BCKDHB: variants seen among roughly 807,000 people sequenced by gnomAD.
The protein encoded by BCKDHB is 2-oxoisovalerate dehydrogenase subunit beta, mitochondrial.
Under a neutral mutation model 48.5 loss-of-function variants are expected in BCKDHB, and 41 were observed. The observed-to-expected ratio is 0.85, with a 90% CI of 0.66 to 1.10. BCKDHB has a LOEUF of 1.10. BCKDHB is among the 50% of genes least tolerant of loss of function. The pLI is 0.00. For missense variants in BCKDHB, 496 were observed against 494.2 expected, an observed-to-expected ratio of 1.00 and a Z score of -0.03; for synonymous variants, 201 against 174.8, an observed-to-expected ratio of 1.15 and a Z score of -1.18.
At chr6:80,179,781 G>A (rs1773327279) in intron 6 of BCKDHB, among the ~76,000 whole-genome samples, 1 of 152,174 alleles carries the variant, frequency 6.6e-6, no homozygotes, top group Non-Finnish European at 1.5e-5. Flanking sequence ...GTCTGGTCTG[G>A]TTACAGGTAG....
chr6:80,461,977 CT>C, the BCKDHB span, among the ~76,000 whole-genome samples: 5 of 151,418 alleles, frequency 3.3e-5, no homozygotes, highest in East Asian at 3.9e-4. Context: ...TACCAATGTA[CT>C]TTTTTTTTCA....
the BCKDHB span, among the ~76,000 whole-genome samples, chr6:80,401,597 T>C: frequency 1.3e-5 from 2 of 151,954 alleles, no homozygotes; most frequent in East Asian, 1.9e-4. Context: ...TAGTTCTTTA[T>C]AGCAATGTGA....
intron 8 of BCKDHB, among the ~76,000 whole-genome samples, chr6:80,240,673 A>G (rs1340381086): frequency 6.6e-6 from 1 of 152,102 alleles, no homozygotes; most frequent in Admixed American, 6.5e-5. Context: ...CTCTTGCCTG[A>G]TTGCCCTGGC....
the BCKDHB span, among the ~76,000 whole-genome samples, chr6:80,359,442 T>A: frequency 6.6e-6 from 1 of 152,236 alleles, no homozygotes; most frequent in East Asian, 1.9e-4. Flanking sequence ...AACTCATTTC[T>A]ATCATTCTTC....
rs73748704 is a variant in BCKDHB at position 80,202,796 on chromosome 6, C to T, written c.841-306C>T. On this transcript the variant is annotated intron_variant, in intron 7 of 9. Transcript: ENST00000320393. Reference sequence around the variant, plus strand: ...TTGGTGATTTTTACCCTTTACTTCTCCCTCTACATGCTTTCTACGTATTTG... The same window carrying T: ...TTGGTGATTTTTACCCTTTACTTCTTCCTCTACATGCTTTCTACGTATTTG... Among the ~76,000 whole-genome samples, 5,255 of 144,256 alleles carry T rather than the reference C, an allele frequency of 0.036. 304 individuals are homozygous for T. Among genetic ancestry groups the T allele is most frequent in the African/African-American group, 0.12 (4,952 of 40,078 alleles). The allele number at this position is 144,256 out of a possible 152,430, so 94.6% of individuals were successfully genotyped here.
intron 3 of BCKDHB, among the ~76,000 whole-genome samples, chr6:80,153,696 T>A (rs997946130): frequency 6.6e-6 from 1 of 152,186 alleles, no homozygotes; most frequent in East Asian, 1.9e-4. Flanking sequence ...TATAAAATGC[T>A]TTATGGTTTG....
the BCKDHB span, among the ~76,000 whole-genome samples, chr6:80,421,999 C>A: frequency 6.6e-6 from 1 of 152,100 alleles, no homozygotes; most frequent in Non-Finnish European, 1.5e-5. Context: ...AGTTAGTAGC[C>A]AAGATCATGA....
the BCKDHB span, among the ~76,000 whole-genome samples, chr6:80,397,428 A>T: frequency 2.6e-5 from 4 of 152,116 alleles, no homozygotes; most frequent in Admixed American, 6.6e-5. Context: ...TGTTTTTCAA[A>T]TCCTTCAAAT....
chr6:80,233,457 T>C (rs1776017801), intron 8 of BCKDHB, among the ~76,000 whole-genome samples: 2 of 152,212 alleles, frequency 1.3e-5, no homozygotes, highest in South Asian at 4.1e-4. Flanking sequence ...CATTCTTTTA[T>C]ATGTTGGGAA....
chr6:80,220,304 G>GTTTTTTTT (rs56967096), intron 8 of BCKDHB, among the ~76,000 whole-genome samples: 63 of 60,796 alleles, frequency 1.0e-3, no homozygotes, highest in Admixed American at 1.5e-3. Context: ...CATGCTATTT[G>GTTTTTTTT]TTTTTTTTTT....
At chr6:80,426,154 A>G in the BCKDHB span, among the ~76,000 whole-genome samples, 2 of 152,158 alleles carry the variant, frequency 1.3e-5, no homozygotes, top group Non-Finnish European at 2.9e-5. Flanking sequence ...TTTTCTAGTA[A>G]GAATGTTGTC....
intron 9 of BCKDHB, among the ~76,000 whole-genome samples, chr6:80,330,454 C>T (rs1346962435): frequency 4.6e-5 from 7 of 152,156 alleles, no homozygotes; most frequent in African/African-American, 1.7e-4. Context: ...CAAATATTTA[C>T]TGATCCCTGC....
At chr6:80,170,008 C>G in intron 5 of BCKDHB, 2 of 1,122,766 alleles carry the variant, frequency 1.8e-6, no homozygotes, top group Non-Finnish European at 2.3e-6. Flanking sequence ...CCTGCCTTCT[C>G]TTTTCCTCCT....
rs564438382 is a variant in BCKDHB at position 80,106,878 on chromosome 6, C to A, written c.185C>A (p.Pro62His). ...TTTACTTTCCAGCCAGATCCGGAGC[C>A]CCGGGAGTACGGTGAGCCCTGGGAC... is the stretch of plus-strand genomic sequence containing the variant. Reference protein sequence around the residue: ...AHFTFQPDPEPREYGQTQKMN... With the variant: ...AHFTFQPDPEHREYGQTQKMN... Residue 62 changes from proline to histidine, a missense_variant, in exon 1 of 10, where the codon CCC becomes CAC. Coordinates refer to ENST00000320393, the MANE Select transcript of BCKDHB (RefSeq NM_183050.4). The A allele has an allele frequency of 1.2e-6, 2 of 1,606,868 alleles. No homozygotes were observed. Among genetic ancestry groups the A allele is most frequent in the Non-Finnish European group, 1.7e-6 (2 of 1,177,420 alleles).
chr6:80,325,376 T>C (rs1431257795), intron 9 of BCKDHB, among the ~76,000 whole-genome samples: 1 of 152,204 alleles, frequency 6.6e-6, no homozygotes, highest in African/African-American at 2.4e-5. Flanking sequence ...TACTATTTTA[T>C]AGAAAAATGT....
At chr6:80,311,001 T>A (rs766700909) in intron 9 of BCKDHB, among the ~76,000 whole-genome samples, 81 of 152,174 alleles carry the variant, frequency 5.3e-4, no homozygotes, top group Non-Finnish European at 1.1e-3. Flanking sequence ...GATATTAGAC[T>A]TTTTTCAGAT....
At chr6:80,335,485 T>C (rs985093175) in intron 9 of BCKDHB, among the ~76,000 whole-genome samples, 1 of 152,054 alleles carries the variant, frequency 6.6e-6, no homozygotes, top group Non-Finnish European at 1.5e-5. Context: ...CTATAAAATT[T>C]GAGAAGCTTC....
intron 3 of BCKDHB, among the ~76,000 whole-genome samples, chr6:80,143,274 T>C (rs760056487): frequency 1.3e-5 from 2 of 152,272 alleles, no homozygotes; most frequent in South Asian, 2.1e-4. Context: ...CTGAAGTCAC[T>C]TAACTGTCTC....
downstream of BCKDHB, among the ~76,000 whole-genome samples, chr6:80,350,545 A>AT (rs1770364150): frequency 6.6e-6 from 1 of 152,128 alleles, no homozygotes; most frequent in South Asian, 2.1e-4. Context: ...AGAAGAAGTG[A>AT]TTTTGCAAAA....
Sources: allele counts gnomAD v4.1 joint callset (sites outside exome capture counted in the v4.1 genomes callset), GRCh38; gene constraint gnomAD v4.1.1; transcripts MANE v1.5; gene names NCBI Gene and HGNC (gene_info 2026-07-23, HGNC 2026-07-21).